Variants in GALNTL6 observed in about 807,000 individuals in gnomAD.
The protein encoded by GALNTL6 is polypeptide N-acetylgalactosaminyltransferase like 6.
GALNTL6 carries 46 observed loss-of-function variants against 73.7 expected under a neutral mutation model. The ratio of observed to expected loss-of-function variants is 0.62; its 90% CI spans 0.49 to 0.80. The LOEUF (loss-of-function observed/expected upper bound fraction) is 0.80, where lower values mean the gene tolerates loss of function less well. Among genes scored for constraint, GALNTL6 ranks in the 30% least tolerant of loss-of-function variants. The pLI, the probability that GALNTL6 is intolerant of heterozygous loss-of-function variation, is 0.00. For synonymous variants in GALNTL6, 259 were observed against 263.7 expected, an observed-to-expected ratio of 0.98 and a Z score of 0.17; for missense variants, 604 against 755.0, an observed-to-expected ratio of 0.80 and a Z score of 2.34.
At chr4:172,537,304 T>C (rs10028367) in intron 5 of GALNTL6, among the ~76,000 whole-genome samples, 30,432 of 152,118 alleles carry the variant, frequency 0.2, 3,288 homozygotes, top group African/African-American at 0.26. Context: ...TTCTCATAAT[T>C]CCCACATGTT....
At chr4:172,817,723 C>T (rs1390551538) in intron 7 of GALNTL6, among the ~76,000 whole-genome samples, 1 of 152,120 alleles carries the variant, frequency 6.6e-6, no homozygotes, top group African/African-American at 2.4e-5. Context: ...ATTATCTTGT[C>T]CAAATTCCCT....
chr4:172,208,844 G>T (rs1054050185), intron 2 of GALNTL6, among the ~76,000 whole-genome samples: 17 of 152,110 alleles, frequency 1.1e-4, no homozygotes, highest in Admixed American at 1.0e-3. Flanking sequence ...TCATGTCTGT[G>T]TGAGAAACCG....
At chr4:171,830,638 A>C (rs185367753) in intron 2 of GALNTL6, among the ~76,000 whole-genome samples, 40 of 152,246 alleles carry the variant, frequency 2.6e-4, no homozygotes, top group African/African-American at 9.4e-4. Context: ...TGTTCTGTCA[A>C]CCTTATCCTG....
At chr4:171,899,342 C>T (rs1369560574) in intron 2 of GALNTL6, among the ~76,000 whole-genome samples, 1 of 151,954 alleles carries the variant, frequency 6.6e-6, no homozygotes, top group Non-Finnish European at 1.5e-5. Flanking sequence ...TACATTATGG[C>T]TTTGTGTGTT....
At chr4:172,651,366 A>G (rs895194504) in intron 5 of GALNTL6, among the ~76,000 whole-genome samples, 41 of 152,356 alleles carry the variant, frequency 2.7e-4, no homozygotes, top group African/African-American at 9.1e-4. Context: ...ATTGCAGTCA[A>G]ACAACTTCAA....
chr4:172,445,872 A>G (rs1561086646), intron 5 of GALNTL6, among the ~76,000 whole-genome samples: 1 of 152,176 alleles, frequency 6.6e-6, no homozygotes. Flanking sequence ...AGAGAAGAAG[A>G]TGGCTAAATG....
At position 172,257,926 on chromosome 4, in the gene GALNTL6, C is replaced by A. The variant is rs143806963; in HGVS notation, c.247+28162C>A. 4.1e-4 allele frequency among the ~76,000 whole-genome samples: 62 copies of A among 151,306 alleles called. No individual in the cohort carries two copies. The East Asian group carries it at 0.011, about 26-fold the overall frequency. Reference sequence around the variant, plus strand: ...TATCTTCATATAGTTTATGCTGTATCCATTCATATATTCATTTACTCAACA... The same window carrying A: ...TATCTTCATATAGTTTATGCTGTATACATTCATATATTCATTTACTCAACA... On this transcript the variant is annotated intron_variant, in intron 3 of 12. Transcript: ENST00000506823.
At chr4:171,916,302 C>G (rs919541139) in intron 2 of GALNTL6, among the ~76,000 whole-genome samples, 2 of 151,806 alleles carry the variant, frequency 1.3e-5, no homozygotes, top group East Asian at 3.9e-4. Flanking sequence ...TTTTTTGTCT[C>G]CTCCACTTTG....
chr4:172,664,421 A>G (rs1244948757), intron 5 of GALNTL6, among the ~76,000 whole-genome samples: 1 of 152,138 alleles, frequency 6.6e-6, no homozygotes, highest in East Asian at 1.9e-4. Flanking sequence ...CAATACCTAC[A>G]TTTCTTTTCC....
At chr4:172,888,583 T>G (rs1264047615) in intron 8 of GALNTL6, among the ~76,000 whole-genome samples, 1 of 152,206 alleles carries the variant, frequency 6.6e-6, no homozygotes, top group Non-Finnish European at 1.5e-5. Context: ...GCTACCTTAT[T>G]TCTGGGTTCT....
chr4:172,361,131 C>G (rs1442479367), intron 5 of GALNTL6, among the ~76,000 whole-genome samples: 1 of 152,164 alleles, frequency 6.6e-6, no homozygotes, highest in African/African-American at 2.4e-5. Context: ...AAGTTCGCCA[C>G]TCAATATATC....
At chr4:172,530,938 C>G (rs910193451) in intron 5 of GALNTL6, among the ~76,000 whole-genome samples, 1 of 122,510 alleles carries the variant, frequency 8.2e-6, no homozygotes, top group Non-Finnish European at 1.7e-5. Flanking sequence ...TTGTACTCGC[C>G]GTGTGTTATA....
intron 5 of GALNTL6, among the ~76,000 whole-genome samples, chr4:172,726,013 C>T (rs923201938): frequency 2.0e-5 from 3 of 152,132 alleles, no homozygotes; most frequent in Admixed American, 1.3e-4. Flanking sequence ...GCGTTCCTTC[C>T]GCGGGGGCAC....
At chr4:172,623,734 A>G (rs925297587) in intron 5 of GALNTL6, among the ~76,000 whole-genome samples, 2 of 152,118 alleles carry the variant, frequency 1.3e-5, no homozygotes, top group South Asian at 4.1e-4. Context: ...ACTATCTTCC[A>G]GTCTTGTCCA....
intron 3 of GALNTL6, among the ~76,000 whole-genome samples, chr4:172,252,584 T>C (rs1039686401): frequency 2.6e-5 from 4 of 152,082 alleles, no homozygotes; most frequent in African/African-American, 4.8e-5. Flanking sequence ...ATATTTTCTA[T>C]AGATATGCAG....
intron 2 of GALNTL6, among the ~76,000 whole-genome samples, chr4:171,987,973 T>C (rs1700599710): frequency 6.6e-6 from 1 of 152,140 alleles, no homozygotes; most frequent in Admixed American, 6.5e-5. Flanking sequence ...TGAGTACAGC[T>C]GAAGGAGCCG....
chr4:172,671,089 C>T (rs1731952601), intron 5 of GALNTL6, among the ~76,000 whole-genome samples: 1 of 57,222 alleles, frequency 1.7e-5, no homozygotes, highest in East Asian at 5.9e-4. Context: ...AGCGTGATGC[C>T]TCCAGCTTTG....
chr4:172,370,132 G>C (rs552808082), intron 5 of GALNTL6, among the ~76,000 whole-genome samples: 1 of 152,318 alleles, frequency 6.6e-6, no homozygotes, highest in South Asian at 2.1e-4. Context: ...TGCAGTTGTA[G>C]TGTCCTCCAG....
At chr4:172,884,115 C>A (rs1249106750) in intron 8 of GALNTL6, among the ~76,000 whole-genome samples, 1 of 152,088 alleles carries the variant, frequency 6.6e-6, no homozygotes, top group East Asian at 1.9e-4. Flanking sequence ...TACTGAGTCC[C>A]TTTCTTTTGA....
Sources: gnomAD v4.1 joint callset for allele counts (sites outside exome capture counted in the v4.1 genomes callset) on GRCh38, gnomAD v4.1.1 for gene constraint, MANE v1.5 for transcripts, NCBI Gene and HGNC (gene_info 2026-07-23, HGNC 2026-07-21) for gene names.